Variants in ANKS1B observed in about 807,000 individuals in gnomAD.
ANKS1B encodes the protein ankyrin repeat and sterile alpha motif domain-containing protein 1B.
Under a neutral mutation model 148.3 loss-of-function variants are expected in ANKS1B, and 36 were observed. That is an observed-to-expected ratio of 0.24 (90% CI 0.19 to 0.32). The LOEUF is 0.32. ANKS1B is among the 10% of genes least tolerant of loss of function. The probability of loss-of-function intolerance (pLI) is 1.00; values close to 1 mark genes in which losing one functional copy is unlikely to be tolerated. For missense variants in ANKS1B, 1,157 were observed against 1,542.6 expected (o/e 0.75, Z 4.19); for synonymous variants, 542 against 560.8 (o/e 0.97, Z 0.47).
At chr12:99,591,475 T>C (rs2097702648) in intron 9 of ANKS1B, among the ~76,000 whole-genome samples, 1 of 152,112 alleles carries the variant, frequency 6.6e-6, no homozygotes, top group Non-Finnish European at 1.5e-5. Flanking sequence ...AATATATTTG[T>C]GGTGAAGCTT....
intron 8 of ANKS1B, among the ~76,000 whole-genome samples, chr12:99,754,399 A>T (rs1484377967): frequency 2.0e-5 from 3 of 152,186 alleles, no homozygotes; most frequent in Non-Finnish European, 4.4e-5. Context: ...CTTCCAGAGA[A>T]TAACAGTGGG....
chr12:99,583,029 A>T (rs192183791), intron 9 of ANKS1B, among the ~76,000 whole-genome samples: 3 of 152,260 alleles, frequency 2.0e-5, no homozygotes, highest in Admixed American at 2.0e-4. Flanking sequence ...GATATGAGAA[A>T]TGCTTATTGT....
intron 12 of ANKS1B, among the ~76,000 whole-genome samples, chr12:99,303,861 T>C (rs1462809047): frequency 6.6e-6 from 1 of 152,132 alleles, no homozygotes; most frequent in Admixed American, 6.6e-5. Flanking sequence ...CTCCCACATA[T>C]AAGTGAGAAC....
Position 98,773,044 on chromosome 12 carries a change from C to T in ANKS1B, c.3577G>A (p.Val1193Met), listed in dbSNP as rs1321687499. The change falls in exon 25 of 27, where the codon GTG becomes ATG. Residue 1193 changes from valine (V) to methionine (M), a missense_variant and splice_region_variant. By Grantham distance (21) the Val-to-Met change is conservative. Around this residue, in one of 6 missense-constraint regions of ANKS1B, gnomAD observed 258 missense variants for 497.0 expected, o/e 0.52. Transcript: ENST00000683438. ...HYCHVFTAFD[V>M]NLAYEIILTL... ...GTTGAAAGGGGGTGGGTACTCACCA[C>T]ATCAAAGGCAGTAAACACATGACAG... 1.2e-6 allele frequency: 2 copies of T among 1,613,942 alleles called. No individual in the cohort carries two copies. The highest frequency in any genetic ancestry group is 1.7e-6 in the Non-Finnish European group (2 of 1,179,864).
At chr12:99,407,476 T>TCAGCA (rs2094559316) in intron 11 of ANKS1B, among the ~76,000 whole-genome samples, 1 of 145,496 alleles carries the variant, frequency 6.9e-6, no homozygotes, top group South Asian at 2.1e-4. Context: ...ACGCCCACTT[T>TCAGCA]CAGCACTCTT....
intron 12 of ANKS1B, among the ~76,000 whole-genome samples, chr12:99,328,383 G>A (rs2086885966): frequency 1.3e-5 from 2 of 151,884 alleles, no homozygotes. Flanking sequence ...ATGCATGTGA[G>A]GAAATAACCC....
chr12:99,452,607 C>A (rs1000241279), intron 10 of ANKS1B, among the ~76,000 whole-genome samples: 1 of 152,074 alleles, frequency 6.6e-6, no homozygotes, highest in Non-Finnish European at 1.5e-5. Flanking sequence ...AGAAACAGTA[C>A]AGAAATCATA....
chr12:99,842,583 C>T (rs559146955), intron 1 of ANKS1B, among the ~76,000 whole-genome samples: 1 of 152,056 alleles, frequency 6.6e-6, no homozygotes, highest in South Asian at 2.1e-4. Context: ...CTAGACTTTT[C>T]GAAGTTGGTT....
chr12:99,488,702 G>A (rs570379883), intron 10 of ANKS1B, among the ~76,000 whole-genome samples: 2 of 152,226 alleles, frequency 1.3e-5, no homozygotes, highest in African/African-American at 4.8e-5. Flanking sequence ...CCCACTGCTG[G>A]ACCAAGTCAC....
intron 15 of ANKS1B, among the ~76,000 whole-genome samples, chr12:99,138,825 C>A (rs2069041999): frequency 6.6e-6 from 1 of 152,134 alleles, no homozygotes; most frequent in Non-Finnish European, 1.5e-5. Context: ...TACACTCAAG[C>A]CCACTTCCTC....
At position 98,745,728 on chromosome 12, in the gene ANKS1B, G is replaced by A; in HGVS notation, c.*11C>T. On this transcript the variant is annotated 3_prime_UTR_variant, in exon 27 of 27. Transcript: ENST00000683438. ...GAGCAAGGCACCGCGAGGACAGGAG[G>A]ACGGCGAGTATCAGAAAATCGTGGT... is the stretch of plus-strand genomic sequence containing the variant. The A allele has an allele frequency of 6.2e-7, 1 of 1,612,986 alleles. No homozygotes were observed. The highest frequency in any genetic ancestry group is 8.5e-7 in the Non-Finnish European group (1 of 1,179,412).
At chr12:99,166,660 A>C (rs1357568781) in intron 14 of ANKS1B, among the ~76,000 whole-genome samples, 1 of 152,064 alleles carries the variant, frequency 6.6e-6, no homozygotes, top group Non-Finnish European at 1.5e-5. Flanking sequence ...TGGCACAGTC[A>C]ACATTGTTAA....
intron 10 of ANKS1B, among the ~76,000 whole-genome samples, chr12:99,455,125 C>T (rs2095824077): frequency 6.6e-6 from 1 of 152,058 alleles, no homozygotes; most frequent in Non-Finnish European, 1.5e-5. Context: ...TCCGGTTGTA[C>T]TCTTAGTGGT....
intron 10 of ANKS1B, among the ~76,000 whole-genome samples, chr12:99,488,090 C>T (rs2096517673): frequency 6.6e-6 from 1 of 151,872 alleles, no homozygotes; most frequent in South Asian, 2.1e-4. Context: ...TAAAGTATTC[C>T]TCTTTATCCT....
At chr12:99,584,554 A>C (rs958120906) in intron 9 of ANKS1B, among the ~76,000 whole-genome samples, 1 of 152,176 alleles carries the variant, frequency 6.6e-6, no homozygotes, top group Non-Finnish European at 1.5e-5. Flanking sequence ...CTGTGACTGC[A>C]TCACTGTACT....
intron 8 of ANKS1B, among the ~76,000 whole-genome samples, chr12:99,764,033 GTTC>G (rs2062416481): frequency 6.6e-6 from 1 of 152,210 alleles, no homozygotes; most frequent in South Asian, 2.1e-4. Flanking sequence ...AACAGGGGAA[GTTC>G]TTCTCAGATC....
intron 15 of ANKS1B, among the ~76,000 whole-genome samples, chr12:99,127,750 G>T (rs10431449): frequency 0.61 from 93,294 of 152,046 alleles, 29,016 homozygotes; most frequent in East Asian, 0.75. Context: ...GGGTGTTGGG[G>T]TGTCTTCAAG....
intron 25 of ANKS1B, among the ~76,000 whole-genome samples, chr12:98,766,150 T>A (rs2098477958): frequency 6.6e-6 from 1 of 152,262 alleles, no homozygotes; most frequent in Non-Finnish European, 1.5e-5. Flanking sequence ...AAAATAGGGA[T>A]GAGAAGATCT....
chr12:99,032,487 C>A (rs566666923), intron 17 of ANKS1B, among the ~76,000 whole-genome samples: 9 of 152,316 alleles, frequency 5.9e-5, no homozygotes, highest in African/African-American at 2.2e-4. Flanking sequence ...CTTGTCTTTA[C>A]ATGGCCTTCT....
Sources: gnomAD v4.1 joint callset for allele counts (sites outside exome capture counted in the v4.1 genomes callset) on GRCh38, gnomAD v4.1.1 for gene constraint, gnomAD v4.1.1 regional missense constraint, MANE v1.5 for transcripts, NCBI Gene and HGNC (gene_info 2026-07-23, HGNC 2026-07-21) for gene names.